Variants in KIRREL3 observed in about 807,000 individuals in gnomAD.
KIRREL3 encodes kirre like nephrin family adhesion molecule 3.
In KIRREL3, 36 loss-of-function variants were observed where a neutral mutation model predicts 89.7. That is an observed-to-expected ratio of 0.40 (90% confidence interval 0.31 to 0.53). The LOEUF is 0.53. Among genes scored for constraint, KIRREL3 ranks in the 20% least tolerant of loss-of-function variants. The pLI is 0.49. For missense variants in KIRREL3, 864 were observed against 1,056.6 expected, an observed-to-expected ratio of 0.82 and a Z score of 2.53; for synonymous variants, 445 against 441.4, an observed-to-expected ratio of 1.01 and a Z score of -0.10.
intron 7 of KIRREL3, among the ~76,000 whole-genome samples, chr11:126,451,661 TGTGA>T (rs538495703): frequency 1.8e-4 from 28 of 151,872 alleles, no homozygotes; most frequent in Middle Eastern, 3.4e-3. Flanking sequence ...CGTGTGCATG[TGTGA>T]GTGTGTGCAT....
chr11:126,841,212 A>G (rs569091843), intron 1 of KIRREL3, among the ~76,000 whole-genome samples: 17 of 152,282 alleles, frequency 1.1e-4, no homozygotes, highest in South Asian at 2.1e-4. Flanking sequence ...GTCCTCTTGC[A>G]TATTCTGTTC....
At chr11:126,505,118 A>G (rs897090588) in intron 4 of KIRREL3, among the ~76,000 whole-genome samples, 4 of 152,244 alleles carry the variant, frequency 2.6e-5, no homozygotes, top group African/African-American at 9.6e-5. Context: ...GTCTGCTCTC[A>G]CCATTTCTAT....
At chr11:126,436,396 C>G (rs1955336105) in intron 12 of KIRREL3, among the ~76,000 whole-genome samples, 1 of 152,264 alleles carries the variant, frequency 6.6e-6, no homozygotes, top group Non-Finnish European at 1.5e-5. Context: ...CACACCCATG[C>G]CAGTGTATCC....
intron 1 of KIRREL3, among the ~76,000 whole-genome samples, chr11:126,712,481 C>T (rs1017752824): frequency 1.3e-5 from 2 of 152,214 alleles, no homozygotes; most frequent in African/African-American, 2.4e-5. Flanking sequence ...CTCGCCCGTC[C>T]TTGGGTTCTG....
chr11:126,507,994 G>T (rs1958083079), intron 4 of KIRREL3, among the ~76,000 whole-genome samples: 1 of 152,154 alleles, frequency 6.6e-6, no homozygotes, highest in Admixed American at 6.5e-5. Context: ...GTTTGTGTGC[G>T]ACAAAGGGGA....
chr11:126,948,323 C>T lies in KIRREL3; in HGVS notation c.55+52132G>A, dbSNP rs558209763. On this transcript the variant is annotated intron_variant, in intron 1 of 16. Transcript: ENST00000525144. This position sits in a 1 kb window ranked among gnomAD's most constrained non-coding sequence, Gnocchi z 4.5. ...AAAACCTCTTTGGCCTGAACCTGTCCAACTTTATAGAGGGATCTCAGTACA... is the reference window on the plus strand; with the variant it reads ...AAAACCTCTTTGGCCTGAACCTGTCTAACTTTATAGAGGGATCTCAGTACA... Among the ~76,000 whole-genome samples, 1 of 152,088 alleles carries T rather than the reference C, an allele frequency of 6.6e-6. No homozygotes were observed. Among genetic ancestry groups the T allele is most frequent in the East Asian group, 1.9e-4 (1 of 5,172 alleles).
At position 126,501,023 on chromosome 11, in the gene KIRREL3, C is replaced by T. The variant is rs71475963; in HGVS notation, c.433+20292G>A. On this transcript the variant is annotated intron_variant, in intron 4 of 16. Coordinates refer to ENST00000525144, the MANE Select transcript of KIRREL3 (RefSeq NM_032531.4). The surrounding 1 kb of genome is among the most constrained non-coding windows in gnomAD (Gnocchi z 5.8). ...CTTTCCCCTTCTGACGCCCTCCACC[C>T]GCTGCCGAGACATCTCCGTGTAGCT... Among the ~76,000 whole-genome samples, 40,855 of 152,168 alleles carry T rather than the reference C, an allele frequency of 0.27. 5,675 individuals are homozygous for T. The highest frequency in any genetic ancestry group is 0.29 in the Non-Finnish European group (19,978 of 67,984).
chr11:126,617,395 G>A (rs1465854938), intron 1 of KIRREL3, among the ~76,000 whole-genome samples: 3 of 152,216 alleles, frequency 2.0e-5, no homozygotes, highest in Admixed American at 2.0e-4. Flanking sequence ...TAGGTCATGG[G>A]TAAACTGATA....
At chr11:126,460,902 T>C (rs1345642008) in intron 6 of KIRREL3, among the ~76,000 whole-genome samples, 3 of 152,154 alleles carry the variant, frequency 2.0e-5, no homozygotes, top group African/African-American at 7.2e-5. Context: ...GTCTGTAACA[T>C]TTTGTACAGG....
In KIRREL3 at chr11:126,501,098, C is replaced by T. The variant is rs1423250372; in HGVS notation, c.433+20217G>A. ...TCCTCCTCTGGGTTTCATTTCCTTG[C>T]TGTGAGCCTTGTGCGAGGCAGGATA... On this transcript the variant is annotated intron_variant, in intron 4 of 16. Coordinates refer to ENST00000525144, the MANE Select transcript of KIRREL3 (RefSeq NM_032531.4). The surrounding 1 kb of genome is among the most constrained non-coding windows in gnomAD (Gnocchi z 5.8). 6.6e-6 allele frequency among the ~76,000 whole-genome samples: 1 copy of T among 152,214 alleles called. No homozygotes were observed. Among genetic ancestry groups the T allele is most frequent in the African/African-American group, 2.4e-5 (1 of 41,458 alleles).
chr11:126,629,564 C>T (rs1943933649), intron 1 of KIRREL3, among the ~76,000 whole-genome samples: 1 of 152,180 alleles, frequency 6.6e-6, no homozygotes, highest in African/African-American at 2.4e-5. Flanking sequence ...TCCACGTGCT[C>T]CTCCAGATCC....
At chr11:126,573,701 GTAATT>G (rs909594372) in intron 1 of KIRREL3, among the ~76,000 whole-genome samples, 19 of 152,118 alleles carry the variant, frequency 1.2e-4, no homozygotes, top group African/African-American at 4.3e-4. Flanking sequence ...TATTTATTTA[GTAATT>G]ATTTATCTAG....
chr11:126,942,108 C>G (rs780658225), intron 1 of KIRREL3, among the ~76,000 whole-genome samples: 1 of 152,170 alleles, frequency 6.6e-6, no homozygotes, highest in Non-Finnish European at 1.5e-5. Flanking sequence ...GTGGTACCTT[C>G]CCAGCTCAAG....
chr11:126,545,610 A>AAGAAT (rs1555142713), intron 2 of KIRREL3, among the ~76,000 whole-genome samples: 1 of 148,246 alleles, frequency 6.7e-6, no homozygotes, highest in East Asian at 1.9e-4. Context: ...CTCAATTTTT[A>AAGAAT]AAAATAAAAT....
At position 126,978,189 on chromosome 11, in the gene KIRREL3, C is replaced by T. The variant is rs989821111; in HGVS notation, c.55+22266G>A. On this transcript the variant is annotated intron_variant, in intron 1 of 16. Coordinates refer to ENST00000525144, the MANE Select transcript of KIRREL3 (RefSeq NM_032531.4). The surrounding 1 kb of genome is among the most constrained non-coding windows in gnomAD (Gnocchi z 4.2). ...CAGGGCATGCAGGTAATCAATTATG[C>T]GATTCTTTCAGGGTTGCTTCTGCCC... 2.0e-5 allele frequency among the ~76,000 whole-genome samples: 3 copies of T among 152,150 alleles called. No homozygotes were observed. The highest frequency in any genetic ancestry group is 4.8e-5 in the African/African-American group (2 of 41,440).
intron 1 of KIRREL3, among the ~76,000 whole-genome samples, chr11:126,657,042 T>C (rs1286100542): frequency 6.6e-6 from 1 of 151,122 alleles, no homozygotes; most frequent in Non-Finnish European, 1.5e-5. Flanking sequence ...GGCAATGGAG[T>C]GAGACTGTGT....
Position 126,755,844 on chromosome 11 carries a change from A to G in KIRREL3, c.56-192932T>C, listed in dbSNP as rs796083652. On this transcript the variant is annotated intron_variant, in intron 1 of 16. Transcript: ENST00000525144. The surrounding 1 kb of genome is among the most constrained non-coding windows in gnomAD (Gnocchi z 4.3). ...CAGGCAGAGAGAGAGAGAGAGAGAGAGAGAGAGAGAGGGAGAGAGGGAGAG... is the reference window on the plus strand; with the variant it reads ...CAGGCAGAGAGAGAGAGAGAGAGAGGGAGAGAGAGAGGGAGAGAGGGAGAG... 2.5e-5 allele frequency among the ~76,000 whole-genome samples: 3 copies of G among 120,204 alleles called. No homozygotes were observed. The highest frequency in any genetic ancestry group is 7.8e-5 in the Admixed American group (1 of 12,750). 78.9% of individuals were successfully genotyped at this position (120,204 alleles called of 152,430 possible).
intron 1 of KIRREL3, among the ~76,000 whole-genome samples, chr11:126,657,337 T>G (rs1277584376): frequency 6.6e-6 from 1 of 152,152 alleles, no homozygotes; most frequent in Non-Finnish European, 1.5e-5. Context: ...TGGTTTAAAA[T>G]ATTAGAGAAA....
rs980166278 is a variant in KIRREL3, at chr11:126,904,384, T to C, written c.55+96071A>G. Among the ~76,000 whole-genome samples, 6 of 152,250 alleles carry C rather than the reference T, an allele frequency of 3.9e-5. No homozygotes were observed. The highest frequency in any genetic ancestry group is 8.8e-5 in the Non-Finnish European group (6 of 68,044). ...AGTTAAATTGGGTCTTGATGTTTACTGCATCTCTGACTGCAATAAGACTGA... is the reference window on the plus strand; with the variant it reads ...AGTTAAATTGGGTCTTGATGTTTACCGCATCTCTGACTGCAATAAGACTGA... On this transcript the variant is annotated intron_variant, in intron 1 of 16. Transcript: ENST00000525144. This position sits in a 1 kb window ranked among gnomAD's most constrained non-coding sequence, Gnocchi z 4.4.
Sources: gnomAD v4.1 joint callset for allele counts (sites outside exome capture counted in the v4.1 genomes callset) on GRCh38, gnomAD v4.1.1 for gene constraint, Gnocchi (gnomAD v3.1) non-coding constraint, MANE v1.5 for transcripts, NCBI Gene and HGNC (gene_info 2026-07-23, HGNC 2026-07-21) for gene names.